Variants in SPAG16 observed in about 807,000 individuals in gnomAD.
The protein encoded by SPAG16 is sperm associated antigen 16.
SPAG16 carries 86 observed loss-of-function variants against 80.4 expected under a neutral mutation model. The observed-to-expected ratio is 1.07, with a 90% CI of 0.90 to 1.28. The LOEUF is 1.28. Among genes scored for constraint, SPAG16 ranks in the 50% most tolerant of loss-of-function variants. The pLI is 0.00. For missense variants in SPAG16, 870 were observed against 765.3 expected (o/e 1.14, Z -1.61); for synonymous variants, 294 against 265.9 (o/e 1.11, Z -1.03).
intron 10 of SPAG16, among the ~76,000 whole-genome samples, chr2:213,798,206 T>G (rs2071165635): frequency 1.3e-5 from 2 of 152,198 alleles, no homozygotes; most frequent in African/African-American, 4.8e-5. Context: ...TATAAATCCC[T>G]TATCAGACTT....
intron 15 of SPAG16, among the ~76,000 whole-genome samples, chr2:214,259,754 A>T (rs1690998761): frequency 2.0e-5 from 3 of 152,100 alleles, no homozygotes; most frequent in Non-Finnish European, 4.4e-5. Flanking sequence ...TTGTTTTAAT[A>T]GGAGATGAAT....
intron 10 of SPAG16, among the ~76,000 whole-genome samples, chr2:213,787,854 A>T (rs1236704355): frequency 1.3e-5 from 2 of 152,048 alleles, no homozygotes; most frequent in Admixed American, 1.3e-4. Context: ...ATAGGAATAC[A>T]ACTTCTAGGA....
At chr2:213,949,612 T>C (rs1411497529) in intron 12 of SPAG16, among the ~76,000 whole-genome samples, 1 of 152,204 alleles carries the variant, frequency 6.6e-6, no homozygotes. Context: ...TACTCAACCT[T>C]GGTCATCAAA....
chr2:213,656,065 G>A (rs565043785), intron 10 of SPAG16, among the ~76,000 whole-genome samples: 1 of 152,300 alleles, frequency 6.6e-6, no homozygotes, highest in South Asian at 2.1e-4. Flanking sequence ...AAGATAAAAT[G>A]TCTTAGATAT....
intron 10 of SPAG16, among the ~76,000 whole-genome samples, chr2:213,688,996 G>T (rs1316512114): frequency 2.6e-5 from 4 of 152,062 alleles, no homozygotes; most frequent in Non-Finnish European, 4.4e-5. Flanking sequence ...GTCTCACTCT[G>T]TTGCCCAGGC....
rs557425004 is a variant in SPAG16, at chr2:213,895,581, T to C, written c.1214+32953T>C. Among the ~76,000 whole-genome samples the C allele has an allele frequency of 3.3e-5, 5 of 152,246 alleles. No individual in the cohort carries two copies. The East Asian group carries it at 9.6e-4, about 29-fold the overall frequency. On this transcript the variant is annotated intron_variant, in intron 11 of 15. Transcript: ENST00000331683. ...AGACTCATAAACCAATGGAACAGAA[T>C]AGAAGACCCAGATATAAATCCGTGC... is the stretch of plus-strand genomic sequence containing the variant.
intron 10 of SPAG16, among the ~76,000 whole-genome samples, chr2:213,788,144 G>T (rs951225562): frequency 6.6e-6 from 1 of 151,722 alleles, no homozygotes; most frequent in African/African-American, 2.4e-5. Context: ...GAAATTTATT[G>T]GATTCCAATC....
chr2:214,323,160 C>T lies in SPAG16; in HGVS notation c.1721-86980C>T, dbSNP rs543564666. 9.2e-5 allele frequency among the ~76,000 whole-genome samples: 14 copies of T among 152,188 alleles called. No individual in the cohort carries two copies. The South Asian group carries it at 1.9e-3, about 20-fold the overall frequency. ...TATTGCGTATTTAGTATTTGTCCTA[C>T]GGTTTTTATCCTAATATAAAAAGCC... On this transcript the variant is annotated intron_variant, in intron 15 of 15. Transcript: ENST00000331683.
At chr2:213,400,009 T>C (rs902007644) in intron 9 of SPAG16, among the ~76,000 whole-genome samples, 14 of 152,052 alleles carry the variant, frequency 9.2e-5, no homozygotes, top group South Asian at 4.1e-4. Context: ...GAATTCTATT[T>C]CTTGCCCTCC....
At position 214,096,001 on chromosome 2, in the gene SPAG16, T is replaced by C. The variant is rs2052562334; in HGVS notation, c.1528-12195T>C. Among the ~76,000 whole-genome samples the C allele has an allele frequency of 2.0e-5, 3 of 151,990 alleles. 1 individual carries two copies. Among genetic ancestry groups the C allele is most frequent in the Admixed American group, 1.3e-4 (2 of 15,214 alleles). ...TAATAATGTAAAACAATTTTCTGAA[T>C]TTGGGAAAATTGAATTATAGAATGT... On this transcript the variant is annotated intron_variant, in intron 13 of 15. Coordinates refer to ENST00000331683, the MANE Select transcript of SPAG16 (RefSeq NM_024532.5).
intron 6 of SPAG16, among the ~76,000 whole-genome samples, chr2:213,346,260 A>C (rs1021672344): frequency 6.6e-6 from 1 of 152,174 alleles, no homozygotes; most frequent in African/African-American, 2.4e-5. Context: ...GAAGTTGCCT[A>C]TCAGCTTAAG....
chr2:213,847,814 A>T, intron 10 of SPAG16, among the ~76,000 whole-genome samples: 1 of 152,112 alleles, frequency 6.6e-6, no homozygotes, highest in East Asian at 1.9e-4. Flanking sequence ...TTGCAGTGAG[A>T]TTCTCTCTCC....
intron 10 of SPAG16, among the ~76,000 whole-genome samples, chr2:213,625,126 T>C (rs960801499): frequency 6.6e-6 from 1 of 152,138 alleles, no homozygotes; most frequent in Admixed American, 6.6e-5. Flanking sequence ...GTGATAATAC[T>C]ATAAAAGTAC....
chr2:214,305,722 C>G (rs912477445), intron 15 of SPAG16, among the ~76,000 whole-genome samples: 2 of 152,020 alleles, frequency 1.3e-5, no homozygotes, highest in Non-Finnish European at 2.9e-5. Context: ...TTCTGTTCCA[C>G]TGCTCTATGT....
intron 10 of SPAG16, among the ~76,000 whole-genome samples, chr2:213,530,309 G>C (rs989729947): frequency 6.6e-6 from 1 of 152,126 alleles, no homozygotes; most frequent in Admixed American, 6.6e-5. Context: ...CACAACAAAC[G>C]TGAGTATTGC....
intron 9 of SPAG16, among the ~76,000 whole-genome samples, chr2:213,411,210 A>G (rs1005847073): frequency 2.0e-5 from 3 of 152,238 alleles, no homozygotes; most frequent in African/African-American, 7.2e-5. Flanking sequence ...AAGACATTGT[A>G]AAGCAAGAGA....
At chr2:214,323,278 A>G (rs547768078) in intron 15 of SPAG16, among the ~76,000 whole-genome samples, 31 of 152,080 alleles carry the variant, frequency 2.0e-4, no homozygotes, top group African/African-American at 7.2e-4. Context: ...GTGTGCATGC[A>G]CTGGTATTAC....
intron 13 of SPAG16, among the ~76,000 whole-genome samples, chr2:214,079,541 C>T (rs541314183): frequency 6.6e-5 from 10 of 152,278 alleles, no homozygotes; most frequent in Admixed American, 5.9e-4. Context: ...AATGCAAAAA[C>T]TTAATCATCA....
In SPAG16 at chr2:214,175,223, G is replaced by GTA. The variant is rs375136444; in HGVS notation, c.1720+25970_1720+25971dup. 8.2e-3 allele frequency among the ~76,000 whole-genome samples: 902 copies of GTA among 110,354 alleles called. 7 individuals are homozygous for GTA. The highest frequency in any genetic ancestry group is 0.021 in the Admixed American group (219 of 10,628). 72.4% of individuals were successfully genotyped at this position (110,354 alleles called of 152,430 possible). On this transcript the variant is annotated intron_variant, in intron 15 of 15. Transcript: ENST00000331683. ...TATATATATATATAAAGAAATGTGT[G>GTA]TATATATATATATAAAGAAATGTAT...
Sources: gnomAD v4.1 joint callset for allele counts (sites outside exome capture counted in the v4.1 genomes callset) on GRCh38, gnomAD v4.1.1 for gene constraint, MANE v1.5 for transcripts, NCBI Gene and HGNC (gene_info 2026-07-23, HGNC 2026-07-21) for gene names.